Variants in IL21R observed in about 807,000 individuals in gnomAD.
IL21R encodes interleukin 21 receptor.
IL21R carries 14 observed loss-of-function variants against 41.3 expected under a neutral mutation model. The observed-to-expected ratio is 0.34, with a 90% confidence interval of 0.22 to 0.53. IL21R has a LOEUF of 0.53. Ranked by LOEUF, IL21R falls within the 20% of genes least tolerant of loss-of-function variation. The pLI, the probability that IL21R is intolerant of heterozygous loss-of-function variation, is 0.94. For synonymous variants in IL21R, 286 were observed against 287.6 expected, an observed-to-expected ratio of 0.99 and a Z score of 0.05; for missense variants, 588 against 681.6, an observed-to-expected ratio of 0.86 and a Z score of 1.53.
chr16:27,419,508 G>A (rs149707158), intron 1 of IL21R, among the ~76,000 whole-genome samples: 4,291 of 151,644 alleles, frequency 0.028, 113 homozygotes, highest in Middle Eastern at 0.082. Context: ...GCTCACTGCA[G>A]CCTCCACCTC....
At chr16:27,419,887 T>C (rs1460039653) in intron 1 of IL21R, among the ~76,000 whole-genome samples, 2 of 150,802 alleles carry the variant, frequency 1.3e-5, no homozygotes, top group African/African-American at 4.9e-5. Flanking sequence ...TTGTATATGC[T>C]ATCTTTTTTT....
chr16:27,419,261 G>T (rs1047022631), intron 1 of IL21R, among the ~76,000 whole-genome samples: 1 of 152,042 alleles, frequency 6.6e-6, no homozygotes, highest in Non-Finnish European at 1.5e-5. Context: ...ATTAGCCTAG[G>T]CCTACACAGG....
chr16:27,430,216 G>A, intron 2 of IL21R, 96 bp downstream of exon 2: 2 of 1,006,684 alleles, frequency 2.0e-6, no homozygotes, highest in Non-Finnish European at 3.0e-6. Flanking sequence ...AACACGGCTA[G>A]AGTCCACAGA....
Position 27,444,581 on chromosome 16 carries a change from G to A in IL21R, c.547G>A (p.Val183Ile). The A allele has an allele frequency of 1.9e-6, 3 of 1,566,476 alleles. No homozygotes were observed. Among genetic ancestry groups the A allele is most frequent in the Non-Finnish European group, 2.6e-6 (3 of 1,157,224 alleles). Residue 183 changes from valine to isoleucine, a missense_variant, in exon 6 of 9, where the codon GTC (valine) becomes ATC (isoleucine). By Grantham distance (29) the Val-to-Ile change is conservative. Transcript: ENST00000337929. ...RKLISVDSRS[V>I]SLLPLEFRKD... is the part of the protein sequence containing the mutation. ...GCTGATCTCAGTGGACTCAAGAAGT[G>A]TCTCCCTCCTCCCCCTGGAGTTCCG... is the stretch of plus-strand genomic sequence containing the variant.
At chr16:27,430,035 T>C in intron 1 of IL21R, 21 bp from the exon 2 acceptor site, 1 of 1,603,378 alleles carries the variant, frequency 6.2e-7, no homozygotes. Flanking sequence ...TGGCTCACCC[T>C]CCACTGTACG....
chr16:27,408,137 T>C (rs1317704447), intron 1 of IL21R, among the ~76,000 whole-genome samples: 1 of 152,184 alleles, frequency 6.6e-6, no homozygotes, highest in East Asian at 1.9e-4. Context: ...AGAATATAGA[T>C]GAAAACACCA....
intron 4 of IL21R, among the ~76,000 whole-genome samples, chr16:27,441,091 G>C (rs1363321575): frequency 6.6e-6 from 1 of 150,656 alleles, no homozygotes; most frequent in Non-Finnish European, 1.5e-5. Context: ...AAGAAAGGGA[G>C]GGAGGGAGGG....
chr16:27,410,933 A>T (rs1274465198), intron 1 of IL21R, among the ~76,000 whole-genome samples: 2 of 152,140 alleles, frequency 1.3e-5, no homozygotes, highest in Non-Finnish European at 2.9e-5. Context: ...GTTTTTTTGC[A>T]ATTGGTTTAT....
Position 27,418,621 on chromosome 16 carries a change from T to C in IL21R, c.-16-11435T>C, listed in dbSNP as rs747261654. On this transcript the variant is annotated intron_variant, in intron 1 of 8. Transcript: ENST00000337929. ...ACCTGACCTCGTGATCTGCCCGCCTTGGCCTCCCAAAGTGCTGGGATTACA... is the reference window on the plus strand; with the variant it reads ...ACCTGACCTCGTGATCTGCCCGCCTCGGCCTCCCAAAGTGCTGGGATTACA... 1.4e-3 allele frequency among the ~76,000 whole-genome samples: 207 copies of C among 152,000 alleles called. 1 individual carries two copies. The highest frequency in any genetic ancestry group is 2.2e-3 in the Admixed American group (33 of 15,286).
chr16:27,446,546 C>T (rs1201501482), intron 8 of IL21R, among the ~76,000 whole-genome samples: 1 of 151,704 alleles, frequency 6.6e-6, no homozygotes, highest in Non-Finnish European at 1.5e-5. Context: ...GCTATGATCA[C>T]ACCACTGCCC....
chr16:27,428,580 T>C (rs752458253), intron 1 of IL21R, among the ~76,000 whole-genome samples: 4 of 152,390 alleles, frequency 2.6e-5, no homozygotes, highest in Admixed American at 1.3e-4. Flanking sequence ...GCCCTCTGGC[T>C]GGCACTTCCT....
rs549341622 is a variant in IL21R at position 27,437,551 on chromosome 16, C to T, written c.216C>T (p.His72=). 6.2e-7 allele frequency: 1 copy of T among 1,614,240 alleles called. No homozygotes were observed. The highest frequency in any genetic ancestry group is 1.3e-5 in the African/African-American group (1 of 75,072). The part of the protein sequence containing the change: ...ATSCSLHRSA[H]NATHATYTCH... ...CCTGCAGCCTCCACAGGTCGGCCCACAATGCCACGCATGCCACCTACACCT... is the reference window on the plus strand; with the variant it reads ...CCTGCAGCCTCCACAGGTCGGCCCATAATGCCACGCATGCCACCTACACCT... Residue 72 remains histidine (H), a synonymous_variant, in exon 4 of 9, where the codon CAC becomes CAT. Transcript: ENST00000337929.
At chr16:27,409,645 G>A (rs2141258824) in intron 1 of IL21R, among the ~76,000 whole-genome samples, 1 of 152,160 alleles carries the variant, frequency 6.6e-6, no homozygotes, top group African/African-American at 2.4e-5. Context: ...GCCTTGCACT[G>A]GTGACTTACT....
intron 1 of IL21R, among the ~76,000 whole-genome samples, chr16:27,422,488 T>A (rs1019295598): frequency 6.6e-6 from 1 of 152,154 alleles, no homozygotes; most frequent in Non-Finnish European, 1.5e-5. Context: ...TTTCTCTGCA[T>A]GCTTCAATCT....
intron 1 of IL21R, among the ~76,000 whole-genome samples, chr16:27,423,544 T>A (rs1413394474): frequency 2.6e-5 from 4 of 152,242 alleles, no homozygotes; most frequent in Admixed American, 1.3e-4. Flanking sequence ...AATATTTTTA[T>A]GATGGGTGTG....
At chr16:27,411,958 A>G (rs2086830383) in intron 1 of IL21R, among the ~76,000 whole-genome samples, 1 of 152,088 alleles carries the variant, frequency 6.6e-6, no homozygotes, top group African/African-American at 2.4e-5. Flanking sequence ...TCATATGTCT[A>G]TTTTTACTTT....
At position 27,402,529 on chromosome 16, in the gene IL21R, C is replaced by G. The variant is rs961914; in HGVS notation, c.-106C>G. The G allele has an allele frequency of 6.5e-6, 1 of 153,724 alleles. No homozygotes were observed. The highest frequency in any genetic ancestry group is 2.0e-4 in the South Asian group (1 of 4,970). The allele number at this position is 153,724 out of a possible 1,614,324, so 9.5% of individuals were successfully genotyped here. A position where few individuals can be genotyped will look rare whatever the true frequency, so the allele number is the denominator to read the frequency against. Reference sequence around the variant, plus strand: ...TTTCTCAGACCCTCATCTGTCACCCCCACGCTGAACCCAGCTGCCACCCCC... The same window carrying G: ...TTTCTCAGACCCTCATCTGTCACCCGCACGCTGAACCCAGCTGCCACCCCC... On this transcript the variant is annotated 5_prime_UTR_variant, in exon 1 of 9. Coordinates refer to ENST00000337929, the MANE Select transcript of IL21R (RefSeq NM_181078.3).
At chr16:27,447,466 GGAGATACC>G (rs2087502044) in intron 8 of IL21R, among the ~76,000 whole-genome samples, 1 of 152,104 alleles carries the variant, frequency 6.6e-6, no homozygotes, top group Non-Finnish European at 1.5e-5. Context: ...CTCAAAACAG[GGAGATACC>G]CATTCCTGGG....
rs2087581480 is a variant in IL21R at position 27,450,732 on chromosome 16, A to G, written c.*1449A>G. 1 of 224,668 alleles carries G rather than the reference A, an allele frequency of 4.5e-6. No individual in the cohort carries two copies. Among genetic ancestry groups the G allele is most frequent in the Non-Finnish European group, 8.9e-6 (1 of 112,726 alleles). 13.9% of individuals were successfully genotyped at this position (224,668 alleles called of 1,614,324 possible). ...AGAGTAGCTGGAATTACAGGCACAC[A>G]CCACCACGCCTGGCTAATTTTTGTA... On this transcript the variant is annotated 3_prime_UTR_variant, in exon 9 of 9. Coordinates refer to ENST00000337929, the MANE Select transcript of IL21R (RefSeq NM_181078.3).
Sources: allele counts gnomAD v4.1 joint callset (sites outside exome capture counted in the v4.1 genomes callset), GRCh38; gene constraint gnomAD v4.1.1; transcripts MANE v1.5; gene names NCBI Gene and HGNC (gene_info 2026-07-23, HGNC 2026-07-21).